HIVEP3: variants seen among roughly 807,000 people sequenced by gnomAD.
The protein encoded by HIVEP3 is transcription factor HIVEP3.
HIVEP3 carries 49 observed loss-of-function variants against 152.8 expected under a neutral mutation model. That is an observed-to-expected ratio of 0.32 (90% CI 0.26 to 0.41). The LOEUF is 0.41. Among genes scored for constraint, HIVEP3 ranks in the 10% least tolerant of loss-of-function variants. HIVEP3 has a pLI of 1.00. For synonymous variants in HIVEP3, 1,269 were observed against 1,289.0 expected, an observed-to-expected ratio of 0.98 and a Z score of 0.33; for missense variants, 2,790 against 3,103.3, an observed-to-expected ratio of 0.90 and a Z score of 2.40.
intron 5 of HIVEP3, among the ~76,000 whole-genome samples, chr1:41,545,372 CACCACT>C (rs1558048636): frequency 0.056 from 396 of 7,026 alleles, no homozygotes; most frequent in African/African-American, 0.095. Context: ...TCACCACCAC[CACCACT>C]ACCACCACCA....
intron 1 of HIVEP3, among the ~76,000 whole-genome samples, chr1:41,881,453 A>G (rs1557480161): frequency 6.6e-6 from 1 of 152,232 alleles, no homozygotes; most frequent in Non-Finnish European, 1.5e-5. Context: ...TTCCTATTAG[A>G]AAACCTTATT....
intron 1 of HIVEP3, among the ~76,000 whole-genome samples, chr1:41,912,582 C>T (rs1001429912): frequency 1.3e-5 from 2 of 152,282 alleles, no homozygotes; most frequent in African/African-American, 2.4e-5. Flanking sequence ...GCCCAACCTC[C>T]AGGGCACATT....
chr1:41,966,525 C>T (rs1356946776), intron 1 of HIVEP3, among the ~76,000 whole-genome samples: 1 of 126,300 alleles, frequency 7.9e-6, no homozygotes, highest in East Asian at 3.0e-4. Context: ...CCAGGCCAGA[C>T]TGCGGTGGCG....
intron 1 of HIVEP3, among the ~76,000 whole-genome samples, chr1:41,897,609 G>A (rs777946974): frequency 5.9e-5 from 9 of 152,268 alleles, no homozygotes; most frequent in South Asian, 2.1e-4. Context: ...TTTTGCTATA[G>A]CAGCAGGAAC....
intron 1 of HIVEP3, among the ~76,000 whole-genome samples, chr1:42,001,909 G>T (rs72951295): frequency 6.6e-6 from 1 of 151,804 alleles, no homozygotes; most frequent in Non-Finnish European, 1.5e-5. Context: ...GGGGTAGCCC[G>T]GGCCTGGCAG....
intron 1 of HIVEP3, among the ~76,000 whole-genome samples, chr1:41,911,703 T>C (rs918167296): frequency 6.6e-6 from 1 of 152,206 alleles, no homozygotes; most frequent in Non-Finnish European, 1.5e-5. Context: ...AATGGAATAT[T>C]ATGGTTCAGC....
intron 2 of HIVEP3, among the ~76,000 whole-genome samples, chr1:41,699,488 C>T (rs770821402): frequency 2.6e-5 from 4 of 152,232 alleles, no homozygotes; most frequent in East Asian, 3.8e-4. Flanking sequence ...AAGAAGGCTT[C>T]AGGGGCCTTG....
chr1:41,720,091 C>T (rs1359743946), intron 1 of HIVEP3, among the ~76,000 whole-genome samples: 1 of 152,186 alleles, frequency 6.6e-6, no homozygotes, highest in African/African-American at 2.4e-5. Flanking sequence ...CTGAGTGGCC[C>T]TACCAAGCTA....
At chr1:41,595,772 T>C (rs539218911) in intron 3 of HIVEP3, among the ~76,000 whole-genome samples, 2 of 152,288 alleles carry the variant, frequency 1.3e-5, no homozygotes, top group African/African-American at 4.8e-5. Flanking sequence ...ATGAAAAGAC[T>C]AGACTGGCTT....
intron 5 of HIVEP3, among the ~76,000 whole-genome samples, chr1:41,572,036 G>A (rs985176256): frequency 2.0e-5 from 3 of 152,164 alleles, no homozygotes; most frequent in South Asian, 2.1e-4. Flanking sequence ...GGGAGAAGGC[G>A]TCCAAGACAA....
At chr1:41,969,825 T>C (rs1247877408) in intron 1 of HIVEP3, among the ~76,000 whole-genome samples, 1 of 152,170 alleles carries the variant, frequency 6.6e-6, no homozygotes, top group Non-Finnish European at 1.5e-5. Flanking sequence ...CAAGGTCTAA[T>C]ATCCAGAATC....
chr1:41,826,014 A>G (rs1356421913), intron 1 of HIVEP3, among the ~76,000 whole-genome samples: 1 of 152,070 alleles, frequency 6.6e-6, no homozygotes, highest in Non-Finnish European at 1.5e-5. Context: ...TGATGTGAAG[A>G]TGTTGCCCAA....
intron 1 of HIVEP3, among the ~76,000 whole-genome samples, chr1:41,719,134 A>C (rs1646640399): frequency 6.6e-6 from 1 of 152,228 alleles, no homozygotes; most frequent in Admixed American, 6.5e-5. Flanking sequence ...ACAAAGGACA[A>C]CCAGGTACCC....
chr1:41,507,879 C>A lies in HIVEP3; in HGVS notation c.*2572G>T, dbSNP rs1644399608. On this transcript the variant is annotated 3_prime_UTR_variant, in exon 9 of 9. Coordinates refer to ENST00000372583, the MANE Select transcript of HIVEP3 (RefSeq NM_024503.5). ...GGTTCTGTCCCTCTGGGCACGGCAT[C>A]AATGTGGAGGCAGCCCTTTGGTGAG... is the stretch of plus-strand genomic sequence containing the variant. The A allele has an allele frequency of 6.6e-6, 1 of 152,278 alleles. No homozygotes were observed. The highest frequency in any genetic ancestry group is 2.1e-4 in the South Asian group (1 of 4,830). The allele number at this position is 152,278 out of a possible 1,614,324, so 9.4% of individuals were successfully genotyped here.
chr1:41,516,690 C>T (rs1642617004), intron 7 of HIVEP3, among the ~76,000 whole-genome samples: 1 of 152,206 alleles, frequency 6.6e-6, no homozygotes, highest in Admixed American at 6.5e-5. Context: ...CTCTCTGAAC[C>T]GGCTGCCCCC....
At chr1:41,527,974 C>A (rs1293386893) in intron 5 of HIVEP3, among the ~76,000 whole-genome samples, 3 of 145,458 alleles carry the variant, frequency 2.1e-5, no homozygotes, top group African/African-American at 5.1e-5. Context: ...CTTGCATTCA[C>A]CTTCACACTC....
At chr1:41,864,091 C>T (rs1413028274) in intron 1 of HIVEP3, among the ~76,000 whole-genome samples, 1 of 152,180 alleles carries the variant, frequency 6.6e-6, no homozygotes, top group Non-Finnish European at 1.5e-5. Context: ...TCCCCTCCTT[C>T]CCATCCGCTC....
In HIVEP3 at chr1:42,010,685, C is replaced by T. The variant is rs562282542; in HGVS notation, n.119+25122G>A. Reference sequence around the variant, plus strand: ...ATATTACTTTGCAGTGCTTTCTTGCCCCAACTTCATACCTTTGGCTGTCCC... The same window carrying T: ...ATATTACTTTGCAGTGCTTTCTTGCTCCAACTTCATACCTTTGGCTGTCCC... On this transcript the variant is annotated intron_variant and non_coding_transcript_variant, in intron 1 of 3. Transcript: ENST00000489103. 5.9e-5 allele frequency among the ~76,000 whole-genome samples: 9 copies of T among 152,162 alleles called. No individual in the cohort carries two copies. The South Asian group carries it at 1.5e-3, about 25-fold the overall frequency.
intron 1 of HIVEP3, among the ~76,000 whole-genome samples, chr1:41,764,418 C>T (rs78634993): frequency 0.02 from 2,990 of 152,160 alleles, 41 homozygotes; most frequent in Non-Finnish European, 0.033. Flanking sequence ...GGACAAGGTG[C>T]GGGTGGGGGG....
Sources: allele counts gnomAD v4.1 joint callset (sites outside exome capture counted in the v4.1 genomes callset), GRCh38; gene constraint gnomAD v4.1.1; transcripts MANE v1.5; gene names NCBI Gene and HGNC (gene_info 2026-07-23, HGNC 2026-07-21).